Variants in ZNF33A observed in about 807,000 individuals in gnomAD.
ZNF33A encodes zinc finger protein 33A, also known as brain my041 protein.
A neutral mutation model predicts 15.9 loss-of-function variants in ZNF33A; 9 were observed. The ratio of observed to expected loss-of-function variants is 0.57; its 90% CI spans 0.34 to 0.99. The LOEUF (loss-of-function observed/expected upper bound fraction) is 0.99. ZNF33A is among the 50% of genes least tolerant of loss of function. ZNF33A has a pLI of 0.02. For missense variants in ZNF33A, 843 were observed against 941.6 expected, an observed-to-expected ratio of 0.90 and a Z score of 1.37; for synonymous variants, 294 against 324.2, an observed-to-expected ratio of 0.91 and a Z score of 1.00.
At chr10:38,019,199 T>G (rs9417283) in intron 4 of ZNF33A, among the ~76,000 whole-genome samples, 2 of 150,088 alleles carry the variant, frequency 1.3e-5, no homozygotes, top group African/African-American at 4.9e-5. Context: ...TGTGTTCTCA[T>G]TGTTCAATTC....
chr10:38,056,265 C>G lies in ZNF33A; in HGVS notation c.2141C>G (p.Ala714Gly). Residue 714 changes from alanine (A) to glycine (G), a missense_variant, in exon 5 of 5, where the codon GCT (alanine) becomes GGT (glycine). Transcript: ENST00000432900. Reference protein sequence around the residue: ...HKSSLTVHHRAHTGEKSCQCN... With the variant: ...HKSSLTVHHRGHTGEKSCQCN... ...TCATCACTCACAGTACATCACAGGG[C>G]TCACACAGGAGAGAAATCTTGTCAA... 1 of 1,614,048 alleles carries G rather than the reference C, an allele frequency of 6.2e-7. No individual in the cohort carries two copies. The highest frequency in any genetic ancestry group is 8.5e-7 in the Non-Finnish European group (1 of 1,179,984).
In ZNF33A at chr10:38,017,351, A is replaced by G; in HGVS notation, c.215A>G (p.Lys72Arg). The G allele has an allele frequency of 6.2e-7, 1 of 1,614,052 alleles. No individual in the cohort carries two copies. Among genetic ancestry groups the G allele is most frequent in the Non-Finnish European group, 8.5e-7 (1 of 1,179,936 alleles). The change falls in exon 4 of 5, where the codon AAA becomes AGA. Residue 72 changes from lysine to arginine, a missense_variant. Coordinates refer to ENST00000432900, the MANE Select transcript of ZNF33A (RefSeq NM_006954.2). ...CTGCAACAAGGAGAAGAGCCATGGAAACAGGAGGAAGAATTCCCAAGCCAA... is the reference window on the plus strand; with the variant it reads ...CTGCAACAAGGAGAAGAGCCATGGAGACAGGAGGAAGAATTCCCAAGCCAA... ...FRLQQGEEPW[K>R]QEEEFPSQSF... is the part of the protein sequence containing the mutation.
chr10:38,034,426 A>G (rs2065348951), intron 4 of ZNF33A, among the ~76,000 whole-genome samples: 2 of 152,148 alleles, frequency 1.3e-5, no homozygotes, highest in Admixed American at 1.3e-4. Context: ...ATTTATTGGG[A>G]TGTGTCTGAT....
intron 4 of ZNF33A, among the ~76,000 whole-genome samples, chr10:38,023,306 A>G (rs1163660130): frequency 6.6e-6 from 1 of 152,246 alleles, no homozygotes; most frequent in Non-Finnish European, 1.5e-5. Context: ...TACAGACAGT[A>G]CAAAAATAAT....
Position 38,054,996 on chromosome 10 carries a change from C to G in ZNF33A, c.872C>G (p.Ser291Cys), listed in dbSNP as rs763237704. 3 of 1,614,096 alleles carry G rather than the reference C, an allele frequency of 1.9e-6. No individual in the cohort carries two copies. The highest frequency in any genetic ancestry group is 1.7e-6 in the Non-Finnish European group (2 of 1,179,982). ...EKFLCVKSTL[S>C]KPHGVSMKHY... is the part of the protein sequence containing the mutation. ...TTCTTATGTGTGAAGTCCACCCTTTCTAAACCTCATGGGGTATCTATGAAA... is the reference window on the plus strand; with the variant it reads ...TTCTTATGTGTGAAGTCCACCCTTTGTAAACCTCATGGGGTATCTATGAAA... Residue 291 changes from serine (S) to cysteine (C), a missense_variant, in exon 5 of 5, where the codon TCT becomes TGT. By Grantham distance (112) the Ser-to-Cys change is moderately radical. Transcript: ENST00000432900.
At position 38,057,074 on chromosome 10, in the gene ZNF33A, A is replaced by G; in HGVS notation, c.*514A>G. 1.5e-6 allele frequency: 1 copy of G among 650,158 alleles called. No individual in the cohort carries two copies. The highest frequency in any genetic ancestry group is 1.9e-6 in the Non-Finnish European group (1 of 522,888). 40.3% of individuals were successfully genotyped at this position (650,158 alleles called of 1,614,324 possible). A position where few individuals can be genotyped will look rare whatever the true frequency, so the allele number is the denominator to read the frequency against. Reference sequence around the variant, plus strand: ...AATCGATGTTACCTTGCTGGTAGATAGAGACTTAGTCAGATTTTACTATGG... The same window carrying G: ...AATCGATGTTACCTTGCTGGTAGATGGAGACTTAGTCAGATTTTACTATGG... On this transcript the variant is annotated 3_prime_UTR_variant, in exon 5 of 5. Coordinates refer to ENST00000432900, the MANE Select transcript of ZNF33A (RefSeq NM_006954.2).
Position 38,056,997 on chromosome 10 carries a change from C to A in ZNF33A, c.*437C>A. Reference sequence around the variant, plus strand: ...GAGAGAATTCCCATGTACACTTCACCAAACTTCCTCTAAGGATAATGTATA... The same window carrying A: ...GAGAGAATTCCCATGTACACTTCACAAAACTTCCTCTAAGGATAATGTATA... On this transcript the variant is annotated 3_prime_UTR_variant, in exon 5 of 5. Coordinates refer to ENST00000432900, the MANE Select transcript of ZNF33A (RefSeq NM_006954.2). The A allele has an allele frequency of 2.5e-6, 2 of 792,526 alleles. No homozygotes were observed. The highest frequency in any genetic ancestry group is 3.1e-6 in the Non-Finnish European group (2 of 652,292). The allele number at this position is 792,526 out of a possible 1,614,324, so 49.1% of individuals were successfully genotyped here.
At chr10:38,022,367 A>G (rs1272120673) in intron 4 of ZNF33A, among the ~76,000 whole-genome samples, 13 of 152,144 alleles carry the variant, frequency 8.5e-5, no homozygotes, top group Non-Finnish European at 1.6e-4. Flanking sequence ...TATAAATATG[A>G]CAACATAGGC....
At chr10:38,026,318 G>A (rs569732877) in intron 4 of ZNF33A, among the ~76,000 whole-genome samples, 2 of 92,670 alleles carry the variant, frequency 2.2e-5, no homozygotes, top group South Asian at 1.2e-3. Flanking sequence ...TATTTTTAAT[G>A]TGTAGATAGA....
rs374789250 is a variant in ZNF33A, at chr10:38,039,198, G to T, written c.251-15177G>T. ...CCTTATGGACCTGGGTTTTTTTTTT[G>T]TTTTTGTAATGGGAAGTTTTCTTGT... On this transcript the variant is annotated intron_variant, in intron 4 of 4. Transcript: ENST00000432900. Among the ~76,000 whole-genome samples the T allele has an allele frequency of 0.012, 1,625 of 133,442 alleles. 35 individuals carry two copies. The highest frequency in any genetic ancestry group is 0.042 in the African/African-American group (1,490 of 35,882). 87.5% of individuals were successfully genotyped at this position (133,442 alleles called of 152,430 possible).
downstream of ZNF33A, among the ~76,000 whole-genome samples, chr10:38,066,039 G>A (rs765226564): frequency 6.6e-6 from 1 of 152,064 alleles, no homozygotes; most frequent in Non-Finnish European, 1.5e-5. Flanking sequence ...CTGACACCTG[G>A]ACTGGGTGCA....
At chr10:38,042,254 G>C in intron 4 of ZNF33A, among the ~76,000 whole-genome samples, 1 of 151,416 alleles carries the variant, frequency 6.6e-6, no homozygotes, top group East Asian at 2.0e-4. Context: ...GCACCATCTG[G>C]GCTCACTGTA....
At chr10:38,024,163 C>CAAAAAAAAAAAAAA (rs71007682) in intron 4 of ZNF33A, among the ~76,000 whole-genome samples, 458 of 92,218 alleles carry the variant, frequency 5.0e-3, no homozygotes, top group East Asian at 7.3e-3. Flanking sequence ...AAAAACAAAA[C>CAAAAAAAAAAAAAA]AAAAAAAAAA....
At chr10:38,010,660 G>A, upstream of ZNF33A, 6 of 1,568,606 alleles carry the variant, frequency 3.8e-6, no homozygotes, top group Non-Finnish European at 5.2e-6. Context: ...TGCCTCGTCC[G>A]CCGGCTACGT....
chr10:38,031,913 AG>A (rs2065229479), intron 4 of ZNF33A, among the ~76,000 whole-genome samples: 1 of 152,132 alleles, frequency 6.6e-6, no homozygotes, highest in South Asian at 2.1e-4. Context: ...CACTGAGCTG[AG>A]ATGGCGCCAC....
At chr10:38,066,454 G>A (rs1442188793), downstream of ZNF33A, among the ~76,000 whole-genome samples, 6 of 151,788 alleles carry the variant, frequency 4.0e-5, no homozygotes, top group African/African-American at 1.2e-4. Flanking sequence ...TGGCCTCACC[G>A]TCTTGGCCAG....
chr10:38,044,460 T>G (rs1416216374), intron 4 of ZNF33A, among the ~76,000 whole-genome samples: 1 of 152,108 alleles, frequency 6.6e-6, no homozygotes, highest in Non-Finnish European at 1.5e-5. Context: ...TTCACCTGCC[T>G]TGGCCTCCCA....
At chr10:38,065,905 T>G (rs2066706084), downstream of ZNF33A, among the ~76,000 whole-genome samples, 1 of 152,102 alleles carries the variant, frequency 6.6e-6, no homozygotes, top group South Asian at 2.1e-4. Context: ...AAGACAAGGT[T>G]TCACCATACT....
chr10:38,029,440 G>T (rs548617298), intron 4 of ZNF33A, among the ~76,000 whole-genome samples: 1 of 152,276 alleles, frequency 6.6e-6, no homozygotes, highest in African/African-American at 2.4e-5. Context: ...AGGATCTCTT[G>T]TAAAGTAAAA....
Sources: gnomAD v4.1 joint callset for allele counts (sites outside exome capture counted in the v4.1 genomes callset) on GRCh38, gnomAD v4.1.1 for gene constraint, MANE v1.5 for transcripts, NCBI Gene and HGNC (gene_info 2026-07-23, HGNC 2026-07-21) for gene names.